STK3: variants seen among roughly 807,000 people sequenced by gnomAD.
STK3 encodes serine/threonine-protein kinase 3.
In STK3, 41 loss-of-function variants were observed where a neutral mutation model predicts 58.0. The observed-to-expected ratio is 0.71, with a 90% CI of 0.55 to 0.92. The LOEUF is 0.92. Ranked by LOEUF, STK3 falls within the 40% of genes least tolerant of loss-of-function variation. The probability of loss-of-function intolerance (pLI) is 0.00; values close to 1 mark genes in which losing one functional copy is unlikely to be tolerated. For missense variants in STK3, 479 were observed against 602.7 expected (o/e 0.79, Z 2.15); for synonymous variants, 170 against 191.0 (o/e 0.89, Z 0.91).
downstream of STK3, among the ~76,000 whole-genome samples, chr8:98,370,235 G>A (rs1461730565): frequency 2.0e-5 from 3 of 151,810 alleles, no homozygotes; most frequent in Admixed American, 1.3e-4. Flanking sequence ...GGGGGCTGAA[G>A]TGACTTCAGC....
intron 8 of STK3, among the ~76,000 whole-genome samples, chr8:98,573,205 T>C (rs963617448): frequency 6.6e-6 from 1 of 152,192 alleles, no homozygotes; most frequent in Non-Finnish European, 1.5e-5. Context: ...GAGATTCTTA[T>C]GTGGTGGCAG....
At chr8:98,505,451 T>C (rs1823983228) in intron 10 of STK3, among the ~76,000 whole-genome samples, 1 of 152,218 alleles carries the variant, frequency 6.6e-6, no homozygotes, top group Non-Finnish European at 1.5e-5. Flanking sequence ...GGAGCTGCCA[T>C]CCTTTTGGGG....
At chr8:98,812,814 C>A (rs139308471) in intron 1 of STK3, among the ~76,000 whole-genome samples, 2,728 of 152,196 alleles carry the variant, frequency 0.018, 77 homozygotes, top group African/African-American at 0.063. Flanking sequence ...CATGTTCTCA[C>A]TCATAGGTGG....
intron 3 of STK3, among the ~76,000 whole-genome samples, chr8:98,860,492 A>C (rs1836889817): frequency 6.6e-6 from 1 of 152,234 alleles, no homozygotes. Flanking sequence ...AGCCTGGAGA[A>C]GCCAGACAGA....
chr8:98,634,174 C>A (rs1002786214), intron 6 of STK3, among the ~76,000 whole-genome samples: 1 of 152,088 alleles, frequency 6.6e-6, no homozygotes, highest in Admixed American at 6.6e-5. Flanking sequence ...AAGGAAACAT[C>A]AACAGGACCT....
intron 6 of STK3, among the ~76,000 whole-genome samples, chr8:98,625,845 A>C (rs1164038044): frequency 6.6e-6 from 1 of 152,218 alleles, no homozygotes; most frequent in African/African-American, 2.4e-5. Context: ...TCAGAATGCT[A>C]GACTGCTACA....
chr8:98,607,978 T>G (rs946328210), intron 6 of STK3, among the ~76,000 whole-genome samples: 6 of 152,178 alleles, frequency 3.9e-5, no homozygotes, highest in Non-Finnish European at 7.4e-5. Flanking sequence ...TAAAGATCTA[T>G]TCCAAGTACA....
chr8:98,776,179 G>C (rs1831664649), intron 1 of STK3, among the ~76,000 whole-genome samples: 1 of 152,036 alleles, frequency 6.6e-6, no homozygotes, highest in Non-Finnish European at 1.5e-5. Context: ...CATGGACAGA[G>C]TAACTGTCCT....
the STK3 span, among the ~76,000 whole-genome samples, chr8:98,349,525 A>G: frequency 1.3e-5 from 2 of 152,212 alleles, no homozygotes; most frequent in African/African-American, 4.8e-5. Flanking sequence ...TCCACTAGGC[A>G]GCACCCCAGT....
chr8:98,543,034 G>A (rs1217687116), intron 9 of STK3, among the ~76,000 whole-genome samples: 2 of 152,202 alleles, frequency 1.3e-5, no homozygotes, highest in African/African-American at 4.8e-5. Flanking sequence ...TGACAGTGCT[G>A]TAAGAGTGAA....
intron 6 of STK3, among the ~76,000 whole-genome samples, chr8:98,658,262 G>GA (rs982837051): frequency 4.0e-5 from 6 of 151,710 alleles, no homozygotes; most frequent in East Asian, 1.9e-4. Flanking sequence ...GTGCGGTAGA[G>GA]AAAAAAAATG....
At chr8:98,524,095 T>C (rs927450610) in intron 10 of STK3, among the ~76,000 whole-genome samples, 2 of 152,232 alleles carry the variant, frequency 1.3e-5, no homozygotes, top group Admixed American at 6.5e-5. Context: ...CCCAGCACGA[T>C]TTGCTGAAAT....
chr8:98,690,127 C>A (rs1304964361), intron 6 of STK3, among the ~76,000 whole-genome samples: 1 of 152,090 alleles, frequency 6.6e-6, no homozygotes, highest in Non-Finnish European at 1.5e-5. Flanking sequence ...CCCTTAAGAA[C>A]TGGACCAAGA....
At chr8:98,794,714 A>T (rs531759964) in intron 1 of STK3, among the ~76,000 whole-genome samples, 29 of 152,248 alleles carry the variant, frequency 1.9e-4, no homozygotes, top group Admixed American at 9.2e-4. Flanking sequence ...CAAAGAAAAA[A>T]GAAAACTACA....
At chr8:98,900,191 C>T (rs1226825363) in intron 1 of STK3, among the ~76,000 whole-genome samples, 1 of 152,046 alleles carries the variant, frequency 6.6e-6, no homozygotes, top group Non-Finnish European at 1.5e-5. Flanking sequence ...ATTCTCCTGC[C>T]TCAGCCTCCC....
At chr8:98,466,019 C>G (rs1055718265) in intron 10 of STK3, among the ~76,000 whole-genome samples, 5 of 152,130 alleles carry the variant, frequency 3.3e-5, no homozygotes, top group African/African-American at 4.8e-5. Context: ...AACTCAAAAG[C>G]AACCAGTAAT....
At chr8:98,793,491 G>A (rs753478745) in intron 1 of STK3, among the ~76,000 whole-genome samples, 3 of 152,136 alleles carry the variant, frequency 2.0e-5, no homozygotes, top group Non-Finnish European at 4.4e-5. Context: ...TTGTACCACT[G>A]CACTCCAGTC....
At chr8:98,714,785 T>C (rs900295838) in intron 4 of STK3, among the ~76,000 whole-genome samples, 1 of 152,038 alleles carries the variant, frequency 6.6e-6, no homozygotes, top group Non-Finnish European at 1.5e-5. Flanking sequence ...AAAACTATTT[T>C]AAAGTTCATA....
chr8:98,574,960 G>A (rs1403630022), intron 8 of STK3, among the ~76,000 whole-genome samples: 1 of 151,834 alleles, frequency 6.6e-6, no homozygotes, highest in African/African-American at 2.4e-5. Flanking sequence ...TTTTTAAACA[G>A]AACTACCCAT....
Sources: allele counts gnomAD v4.1 joint callset (sites outside exome capture counted in the v4.1 genomes callset), GRCh38; gene constraint gnomAD v4.1.1; transcripts MANE v1.5; gene names NCBI Gene and HGNC (gene_info 2026-07-23, HGNC 2026-07-21).